SDCCAG8: variants seen among roughly 807,000 people sequenced by gnomAD.
SDCCAG8 encodes serologically defined colon cancer antigen 8.
In SDCCAG8, 74 loss-of-function variants were observed where a neutral mutation model predicts 101.8. That is an observed-to-expected ratio of 0.73 (90% CI 0.60 to 0.88). The LOEUF (loss-of-function observed/expected upper bound fraction) is 0.88. Ranked by LOEUF, SDCCAG8 falls within the 40% of genes least tolerant of loss-of-function variation. The probability of loss-of-function intolerance (pLI) is 0.00; values close to 1 mark genes in which losing one functional copy is unlikely to be tolerated. For missense variants in SDCCAG8, 787 were observed against 822.6 expected (o/e 0.96, Z 0.53); for synonymous variants, 281 against 292.9 (o/e 0.96, Z 0.41).
chr1:243,283,038 G>A (rs567602835), intron 4 of SDCCAG8, among the ~76,000 whole-genome samples: 1 of 152,042 alleles, frequency 6.6e-6, no homozygotes, highest in East Asian at 1.9e-4. Flanking sequence ...GTAGAGACAG[G>A]GTTTCACCAT....
chr1:243,284,317 T>C (rs2069370783), intron 4 of SDCCAG8, among the ~76,000 whole-genome samples: 1 of 152,228 alleles, frequency 6.6e-6, no homozygotes, highest in Non-Finnish European at 1.5e-5. Flanking sequence ...TTCAGTGTCC[T>C]GGTCTTGTCT....
intron 13 of SDCCAG8, among the ~76,000 whole-genome samples, chr1:243,380,658 G>A (rs927717789): frequency 8.6e-5 from 13 of 152,014 alleles, no homozygotes; most frequent in East Asian, 1.9e-4. Context: ...TAAGAAAAAC[G>A]GTTTTGCTTG....
chr1:243,287,994 A>T (rs564084577), intron 5 of SDCCAG8, among the ~76,000 whole-genome samples: 1 of 152,360 alleles, frequency 6.6e-6, no homozygotes, highest in Non-Finnish European at 1.5e-5. Context: ...TAGAAAGGAT[A>T]AGGTTTTAGA....
At chr1:243,440,658 T>G (rs2082474530) in intron 16 of SDCCAG8, among the ~76,000 whole-genome samples, 1 of 152,230 alleles carries the variant, frequency 6.6e-6, no homozygotes, top group South Asian at 2.1e-4. Flanking sequence ...CTAGACTCAG[T>G]CAAACATAAT....
At chr1:243,470,331 A>G (rs1273456804) in intron 16 of SDCCAG8, among the ~76,000 whole-genome samples, 1 of 152,176 alleles carries the variant, frequency 6.6e-6, no homozygotes, top group Non-Finnish European at 1.5e-5. Flanking sequence ...TTTCGTTTCT[A>G]GTTCAGAGGA....
At chr1:243,316,635 A>T in intron 8 of SDCCAG8, 120 bp from the exon 9 acceptor site, 1 of 1,200,734 alleles carries the variant, frequency 8.3e-7, no homozygotes, top group Non-Finnish European at 1.2e-6. Context: ...TTTATTTCAT[A>T]TGTGCTCAGC....
intron 12 of SDCCAG8, among the ~76,000 whole-genome samples, chr1:243,369,282 A>T (rs1302671876): frequency 6.6e-6 from 1 of 152,110 alleles, no homozygotes; most frequent in Non-Finnish European, 1.5e-5. Context: ...CTTTGTATGA[A>T]AAATATACGT....
chr1:243,433,277 G>A (rs959011901), intron 16 of SDCCAG8, among the ~76,000 whole-genome samples: 5 of 151,624 alleles, frequency 3.3e-5, no homozygotes, highest in Non-Finnish European at 1.5e-5. Context: ...GCGTGAACTC[G>A]GAGGGCGGAG....
intron 13 of SDCCAG8, among the ~76,000 whole-genome samples, chr1:243,388,584 G>A (rs2078467783): frequency 6.6e-6 from 1 of 151,924 alleles, no homozygotes; most frequent in Non-Finnish European, 1.5e-5. Flanking sequence ...TCCCTGGTCA[G>A]GTGCCATGGC....
In SDCCAG8 at chr1:243,271,827, A is replaced by G. The variant is rs542097691; in HGVS notation, c.306+764A>G. Among the ~76,000 whole-genome samples, 40 of 152,304 alleles carry G rather than the reference A, an allele frequency of 2.6e-4. No homozygotes were observed. In the South Asian group the frequency reaches 7.2e-3, roughly 28 times the overall value. Reference sequence around the variant, plus strand: ...CCAAAGCACCGGGATTATAGGTGTGAGCCACCGCGCCTGGCCTCAAAATAA... The same window carrying G: ...CCAAAGCACCGGGATTATAGGTGTGGGCCACCGCGCCTGGCCTCAAAATAA... On this transcript the variant is annotated intron_variant, in intron 3 of 17. Coordinates refer to ENST00000366541, the MANE Select transcript of SDCCAG8 (RefSeq NM_006642.5).
At chr1:243,405,723 T>A (rs2079733054) in intron 13 of SDCCAG8, among the ~76,000 whole-genome samples, 1 of 152,138 alleles carries the variant, frequency 6.6e-6, no homozygotes, top group South Asian at 2.1e-4. Flanking sequence ...AAAATTCTCG[T>A]ATGTGGAACA....
chr1:243,403,602 G>T (rs4658566), intron 13 of SDCCAG8, among the ~76,000 whole-genome samples: 1 of 152,002 alleles, frequency 6.6e-6, no homozygotes, highest in Admixed American at 6.6e-5. Context: ...TTCCCAACTC[G>T]GGGTCACCTG....
intron 16 of SDCCAG8, among the ~76,000 whole-genome samples, chr1:243,468,013 C>G (rs1660479677): frequency 6.6e-6 from 1 of 152,160 alleles, no homozygotes; most frequent in African/African-American, 2.4e-5. Context: ...GAGTTCCACC[C>G]AAGGACCTTG....
At chr1:243,331,978 A>G (rs192527883) in intron 10 of SDCCAG8, among the ~76,000 whole-genome samples, 2 of 152,370 alleles carry the variant, frequency 1.3e-5, no homozygotes, top group East Asian at 3.9e-4. Context: ...AATGTGTAAC[A>G]GGAATCTGAC....
At chr1:243,464,529 C>A (rs1198246383) in intron 16 of SDCCAG8, among the ~76,000 whole-genome samples, 3 of 152,168 alleles carry the variant, frequency 2.0e-5, no homozygotes, top group Non-Finnish European at 1.5e-5. Flanking sequence ...TAAAAAAAAT[C>A]AAATTAATAC....
chr1:243,483,837 A>G (rs985038636), intron 16 of SDCCAG8, among the ~76,000 whole-genome samples: 7 of 152,202 alleles, frequency 4.6e-5, no homozygotes, highest in Non-Finnish European at 5.9e-5. Flanking sequence ...CTTAACCCCT[A>G]TCCTGGGGCG....
intron 7 of SDCCAG8, chr1:243,307,436 T>A: frequency 1.0e-6 from 1 of 981,558 alleles, no homozygotes; most frequent in Non-Finnish European, 1.2e-6. Flanking sequence ...GTTAGATAAT[T>A]ATCTATCTAA....
chr1:243,374,046 T>G (rs1336453308), intron 12 of SDCCAG8, among the ~76,000 whole-genome samples: 1 of 152,056 alleles, frequency 6.6e-6, no homozygotes, highest in African/African-American at 2.4e-5. Context: ...AATATTATAT[T>G]CATAGATTAA....
intron 16 of SDCCAG8, among the ~76,000 whole-genome samples, chr1:243,484,886 A>T (rs922919927): frequency 1.3e-5 from 2 of 152,158 alleles, no homozygotes; most frequent in Admixed American, 6.5e-5. Context: ...TCTACTAAAA[A>T]TACAAAAATT....
Sources: gnomAD v4.1 joint callset for allele counts (sites outside exome capture counted in the v4.1 genomes callset) on GRCh38, gnomAD v4.1.1 for gene constraint, MANE v1.5 for transcripts, NCBI Gene and HGNC (gene_info 2026-07-23, HGNC 2026-07-21) for gene names.